POLN: variants seen among roughly 807,000 people sequenced by gnomAD.
POLN encodes DNA polymerase N.
POLN carries 108 observed loss-of-function variants against 113.5 expected under a neutral mutation model. The observed-to-expected ratio is 0.95, with a 90% CI of 0.81 to 1.12. POLN has a LOEUF of 1.12. Among genes scored for constraint, POLN ranks in the 50% most tolerant of loss-of-function variants. The pLI is 0.00. For synonymous variants in POLN, 386 were observed against 391.5 expected, an observed-to-expected ratio of 0.99 and a Z score of 0.17; for missense variants, 1,097 against 1,077.1, an observed-to-expected ratio of 1.02 and a Z score of -0.26.
At chr4:2,091,798 T>TGTGC (rs1553893088) in intron 20 of POLN, among the ~76,000 whole-genome samples, 3 of 133,298 alleles carry the variant, frequency 2.3e-5, no homozygotes, top group Admixed American at 7.5e-5. Flanking sequence ...TGTGTGTGTG[T>TGTGC]GTGCGCGCGC....
At chr4:2,172,942 A>G (rs1732900264) in intron 11 of POLN, among the ~76,000 whole-genome samples, 1 of 152,258 alleles carries the variant, frequency 6.6e-6, no homozygotes, top group African/African-American at 2.4e-5. Flanking sequence ...AGGGCAGCAC[A>G]GTCCACAGCG....
At chr4:2,117,351 CTGTT>C (rs1731342343) in intron 19 of POLN, among the ~76,000 whole-genome samples, 1 of 152,168 alleles carries the variant, frequency 6.6e-6, no homozygotes, top group African/African-American at 2.4e-5. Flanking sequence ...ATAATACAGT[CTGTT>C]TGTGACCTTT....
intron 8 of POLN, chr4:2,177,348 G>C: frequency 2.2e-6 from 1 of 456,764 alleles, no homozygotes; most frequent in East Asian, 6.8e-5. Flanking sequence ...TTCTCTGAGA[G>C]TCTTACCATA....
intron 16 of POLN, among the ~76,000 whole-genome samples, chr4:2,146,033 A>T (rs554324684): frequency 2.7e-5 from 2 of 73,974 alleles, no homozygotes; most frequent in Non-Finnish European, 8.2e-5. Context: ...ATTTATATAA[A>T]CTTTAAAATA....
At chr4:2,240,095 C>T (rs753058595) in intron 2 of POLN, 4 of 1,613,986 alleles carry the variant, frequency 2.5e-6, no homozygotes, top group South Asian at 2.2e-5. Context: ...ACTTCATGCT[C>T]GAATTACTTG....
chr4:2,225,275 T>C (rs73201287), intron 3 of POLN, among the ~76,000 whole-genome samples: 1 of 152,072 alleles, frequency 6.6e-6, no homozygotes, highest in Non-Finnish European at 1.5e-5. Context: ...TATGCATGTA[T>C]ATAAATATGT....
chr4:2,240,799 G>C lies in POLN; in HGVS notation c.-13+721C>G, dbSNP rs576904863. 137 of 1,613,734 alleles carry C rather than the reference G, an allele frequency of 8.5e-5. No individual in the cohort carries two copies. The highest frequency in any genetic ancestry group is 1.1e-4 in the Non-Finnish European group (131 of 1,179,990). The stretch of plus-strand genomic sequence containing the variant: ...AATTCTCTTTCAGACAACACGTTCT[G>C]TTCATTCACATTCCCACAAAACCAC... On this transcript the variant is annotated intron_variant, in intron 2 of 25. Transcript: ENST00000511885.
intron 4 of POLN, 97 bp downstream of exon 4, chr4:2,212,950 G>A (rs1017160899): frequency 3.1e-6 from 2 of 648,406 alleles, no homozygotes; most frequent in Non-Finnish European, 4.7e-6. Flanking sequence ...TTAAGGTGTG[G>A]TATCTACAGT....
At chr4:2,154,180 A>C (rs1416077372) in intron 16 of POLN, among the ~76,000 whole-genome samples, 1 of 133,486 alleles carries the variant, frequency 7.5e-6, no homozygotes, top group East Asian at 2.3e-4. Context: ...CCTGGGCGAC[A>C]GCGAGACTCC....
chr4:2,145,106 C>T (rs759476174), intron 16 of POLN, among the ~76,000 whole-genome samples: 1 of 152,024 alleles, frequency 6.6e-6, no homozygotes, highest in Admixed American at 6.6e-5. Context: ...CAGATCGCTA[C>T]CTTAGACCTA....
chr4:2,181,913 T>C (rs561241875), intron 7 of POLN, among the ~76,000 whole-genome samples: 20 of 150,622 alleles, frequency 1.3e-4, no homozygotes, highest in Admixed American at 1.1e-3. Flanking sequence ...GGCAGGAGAA[T>C]GGTGTGAACC....
At chr4:2,193,109 G>T in intron 7 of POLN, 95 bp downstream of exon 7, 1 of 922,296 alleles carries the variant, frequency 1.1e-6, no homozygotes, top group Non-Finnish European at 1.7e-6. Context: ...TCCTCCAGGA[G>T]TTGTGTGACA....
At position 2,163,919 on chromosome 4, in the gene POLN, T is replaced by C. The variant is rs138374208; in HGVS notation, c.1555-4708A>G. The stretch of plus-strand genomic sequence containing the variant: ...TGTCATATGCACTTCTGTCCTAACA[T>C]ATCCAAGGCTGAACACTGGACCTCC... On this transcript the variant is annotated intron_variant, in intron 13 of 25. Transcript: ENST00000511885. Among the ~76,000 whole-genome samples the C allele has an allele frequency of 2.1e-3, 317 of 152,318 alleles. 1 individual carries two copies. The highest frequency in any genetic ancestry group is 7.3e-3 in the African/African-American group (302 of 41,566).
At chr4:2,096,033 A>G in intron 19 of POLN, 100 bp from the exon 20 acceptor site, 1 of 1,008,184 alleles carries the variant, frequency 9.9e-7, no homozygotes, top group East Asian at 2.4e-5. Context: ...TTCCTCTGGA[A>G]ATTCCTTATG....
intron 21 of POLN, chr4:2,082,531 AC>A (rs1730445913): frequency 6.6e-6 from 1 of 152,214 alleles, no homozygotes; most frequent in African/African-American, 2.4e-5. Context: ...ACACAAACAC[AC>A]TGTGTTAGCT....
chr4:2,118,924 G>A (rs34766850), intron 19 of POLN, among the ~76,000 whole-genome samples: 125 of 152,240 alleles, frequency 8.2e-4, no homozygotes, highest in African/African-American at 2.9e-3. Context: ...GAGGAACCAC[G>A]TGCAGACTCT....
rs556060885 is a variant in POLN, at chr4:2,082,477, G to A, written c.2198-734C>T. On this transcript the variant is annotated intron_variant, in intron 21 of 25. Transcript: ENST00000511885. ...GGACTGGGCAGATCCAATCTTGAGT[G>A]GCCTGAAGTGTATGCAATTTGGGGG... Among the ~76,000 whole-genome samples, 6 of 152,324 alleles carry A rather than the reference G, an allele frequency of 3.9e-5. No individual in the cohort carries two copies. In the South Asian group the frequency reaches 1.2e-3, roughly 32 times the overall value.
intron 11 of POLN, among the ~76,000 whole-genome samples, chr4:2,172,739 T>G (rs1222812437): frequency 6.6e-6 from 1 of 152,198 alleles, no homozygotes; most frequent in African/African-American, 2.4e-5. Flanking sequence ...GGTGAGACTC[T>G]GGGAAGCCAT....
Position 2,223,258 on chromosome 4 carries a change from T to C in POLN, c.133+5841A>G, listed in dbSNP as rs73796979. On this transcript the variant is annotated intron_variant, in intron 3 of 25. Transcript: ENST00000511885. ...TCATAGATCAAGGGTCCCCAACCCC[T>C]GAAGTGAGGACCAGTACCTGTCTGT... 2.3e-3 allele frequency among the ~76,000 whole-genome samples: 344 copies of C among 152,266 alleles called. 1 individual carries two copies. The highest frequency in any genetic ancestry group is 7.8e-3 in the African/African-American group (325 of 41,556).
Sources: allele counts gnomAD v4.1 joint callset (sites outside exome capture counted in the v4.1 genomes callset), GRCh38; gene constraint gnomAD v4.1.1; transcripts MANE v1.5; gene names NCBI Gene and HGNC (gene_info 2026-07-23, HGNC 2026-07-21).